The following DIP2B variants were observed in gnomAD, a reference collection of about 807,000 sequenced individuals.
DIP2B encodes the protein disco-interacting protein 2 homolog B.
DIP2B carries 76 observed loss-of-function variants against 198.0 expected under a neutral mutation model. The observed-to-expected ratio is 0.38, with a 90% CI of 0.32 to 0.46. DIP2B has a LOEUF of 0.46. Among genes scored for constraint, DIP2B ranks in the 20% least tolerant of loss-of-function variants. The probability of loss-of-function intolerance (pLI) is 0.99; values close to 1 mark genes in which losing one functional copy is unlikely to be tolerated. For missense variants in DIP2B, 1,559 were observed against 1,978.4 expected (o/e 0.79, Z 4.02); for synonymous variants, 701 against 739.1 (o/e 0.95, Z 0.84).
At chr12:50,695,742 G>A (rs1939299282) in intron 15 of DIP2B, 106 bp from the exon 16 acceptor site, 1 of 1,479,160 alleles carries the variant, frequency 6.8e-7, no homozygotes, top group Admixed American at 2.0e-5. Context: ...TCTTCTCCAA[G>A]CAAATATCAT....
chr12:50,640,694 G>A (rs1298649149), intron 2 of DIP2B, 30 bp from the exon 3 acceptor site: 2 of 1,609,690 alleles, frequency 1.2e-6, no homozygotes, highest in African/African-American at 1.3e-5. Flanking sequence ...ACTGTTACTG[G>A]ATAACCATCT....
At position 50,745,079 on chromosome 12, in the gene DIP2B, C is replaced by A; in HGVS notation, c.*240C>A. 1.9e-6 allele frequency: 1 copy of A among 522,652 alleles called. No individual in the cohort carries two copies. The highest frequency in any genetic ancestry group is 3.4e-6 in the Non-Finnish European group (1 of 295,304). 32.4% of individuals were successfully genotyped at this position (522,652 alleles called of 1,614,324 possible). A position where few individuals can be genotyped will look rare whatever the true frequency, so the allele number is the denominator to read the frequency against. On this transcript the variant is annotated 3_prime_UTR_variant, in exon 38 of 38. Transcript: ENST00000301180. Reference sequence around the variant, plus strand: ...TTGACATAGCGTGAGCAGCACATTACTAAAGCAATTACATGCATGTTGCAT... The same window carrying A: ...TTGACATAGCGTGAGCAGCACATTAATAAAGCAATTACATGCATGTTGCAT...
intron 1 of DIP2B, among the ~76,000 whole-genome samples, chr12:50,625,089 G>A (rs949690404): frequency 3.9e-5 from 6 of 152,142 alleles, no homozygotes; most frequent in South Asian, 2.1e-4. Flanking sequence ...AGGCTTCACA[G>A]TAAATAAAGT....
intron 1 of DIP2B, among the ~76,000 whole-genome samples, chr12:50,539,690 G>GT (rs1203919492): frequency 1.3e-5 from 2 of 151,228 alleles, no homozygotes; most frequent in African/African-American, 2.4e-5. Context: ...CCATGATCTA[G>GT]TTTGAGAACT....
At chr12:50,604,072 G>T (rs142691938) in intron 1 of DIP2B, among the ~76,000 whole-genome samples, 1 of 151,230 alleles carries the variant, frequency 6.6e-6, no homozygotes, top group Admixed American at 6.7e-5. Context: ...TGGATTGTAC[G>T]CTCCTAGATA....
intron 1 of DIP2B, among the ~76,000 whole-genome samples, chr12:50,619,961 T>A (rs1937776639): frequency 6.6e-6 from 1 of 152,136 alleles, no homozygotes; most frequent in African/African-American, 2.4e-5. Context: ...CTCAGGAGGC[T>A]GAGGCAGGAG....
chr12:50,506,294 C>T (rs1410705551), intron 1 of DIP2B, among the ~76,000 whole-genome samples: 2 of 152,136 alleles, frequency 1.3e-5, no homozygotes, highest in African/African-American at 4.8e-5. Flanking sequence ...GCCCTCTTCA[C>T]TAGCATTTTT....
At chr12:50,621,200 C>G (rs945573444) in intron 1 of DIP2B, among the ~76,000 whole-genome samples, 11 of 152,222 alleles carry the variant, frequency 7.2e-5, no homozygotes, top group African/African-American at 2.7e-4. Flanking sequence ...ATAACAGATT[C>G]TCACTGATTT....
In DIP2B at chr12:50,748,317, A is replaced by G. The variant is rs1422951107; in HGVS notation, c.*3478A>G. ...AAAAGCAAGAGTATTTGGAGCAAGA[A>G]GCTGCAATGCGCCAAATACACAATA... On this transcript the variant is annotated 3_prime_UTR_variant, in exon 38 of 38. Transcript: ENST00000301180. 2 of 152,662 alleles carry G rather than the reference A, an allele frequency of 1.3e-5. No homozygotes were observed. The highest frequency in any genetic ancestry group is 4.8e-5 in the African/African-American group (2 of 41,458). The allele number at this position is 152,662 out of a possible 1,614,324, so 9.5% of individuals were successfully genotyped here.
At position 50,735,076 on chromosome 12, in the gene DIP2B, T is replaced by G; in HGVS notation, c.4047T>G (p.Val1349=). 6.2e-7 allele frequency: 1 copy of G among 1,614,166 alleles called. No homozygotes were observed. The highest frequency in any genetic ancestry group is 8.5e-7 in the Non-Finnish European group (1 of 1,180,022). ...VDLKSLRHDR[V]RLVERGAPQS... is the part of the protein sequence containing the mutation. ...AGTAAATACCGTTCTTCTGCAGGGT[T>G]CGTCTCGTGGAACGTGGCGCCCCTC... The change falls in exon 34 of 38, where the codon GTT becomes GTG. Residue 1349 remains valine (V), a synonymous_variant. Transcript: ENST00000301180.
intron 1 of DIP2B, among the ~76,000 whole-genome samples, chr12:50,577,832 A>G (rs1435109550): frequency 6.6e-6 from 1 of 152,106 alleles, no homozygotes; most frequent in Admixed American, 6.5e-5. Context: ...GCAGCTATGT[A>G]GTTGGAAGAG....
At chr12:50,708,119 C>G (rs1408131071) in intron 21 of DIP2B, among the ~76,000 whole-genome samples, 2 of 151,968 alleles carry the variant, frequency 1.3e-5, no homozygotes, top group Admixed American at 6.5e-5. Context: ...ATACGCCACC[C>G]TACACACCAC....
intron 1 of DIP2B, among the ~76,000 whole-genome samples, chr12:50,614,493 TTCTC>T (rs1178558801): frequency 2.0e-5 from 3 of 152,220 alleles, no homozygotes; most frequent in East Asian, 3.8e-4. Context: ...ATTCTAGAGT[TTCTC>T]TCTCCTGTTG....
Position 50,695,367 on chromosome 12 carries a change from ACCTGCAAC to A in DIP2B, c.1813+8_1813+15del. On this transcript the variant is annotated splice_region_variant and intron_variant, in intron 15 of 37. Coordinates refer to ENST00000301180, the MANE Select transcript of DIP2B (RefSeq NM_173602.3). ...AGAGTACATGCTCACAAAGGTAGTCACCTGCAACATCTGAGCTTTAATTATGTGACTGT... is the reference window on the plus strand; with the variant it reads ...AGAGTACATGCTCACAAAGGTAGTCAATCTGAGCTTTAATTATGTGACTGT... 1 of 1,605,436 alleles carries A rather than the reference ACCTGCAAC, an allele frequency of 6.2e-7. No individual in the cohort carries two copies. Among genetic ancestry groups the A allele is most frequent in the South Asian group, 1.1e-5 (1 of 89,978 alleles).
chr12:50,690,156 G>A (rs996214526), intron 12 of DIP2B, among the ~76,000 whole-genome samples: 10 of 149,380 alleles, frequency 6.7e-5, no homozygotes, highest in African/African-American at 9.9e-5. Flanking sequence ...GTGTGATCTC[G>A]GCTCACTGCA....
intron 1 of DIP2B, among the ~76,000 whole-genome samples, chr12:50,522,648 C>T (rs935661218): frequency 6.6e-6 from 1 of 152,134 alleles, no homozygotes; most frequent in Non-Finnish European, 1.5e-5. Flanking sequence ...TTCTTTTCAG[C>T]CTCTTTATAA....
chr12:50,523,957 C>T (rs1258134061), intron 1 of DIP2B, among the ~76,000 whole-genome samples: 1 of 152,136 alleles, frequency 6.6e-6, no homozygotes, highest in Admixed American at 6.6e-5. Context: ...AATGTCTTTC[C>T]AGTGCCCTCT....
At chr12:50,667,584 A>G (rs1188106352) in intron 4 of DIP2B, among the ~76,000 whole-genome samples, 2 of 152,168 alleles carry the variant, frequency 1.3e-5, no homozygotes, top group East Asian at 1.9e-4. Flanking sequence ...ATCGTCTTTT[A>G]ACTTTACCCG....
At chr12:50,730,695 A>G (rs542242796) in intron 30 of DIP2B, among the ~76,000 whole-genome samples, 6 of 152,170 alleles carry the variant, frequency 3.9e-5, no homozygotes, top group Non-Finnish European at 7.4e-5. Flanking sequence ...CCACTTGAAT[A>G]CTATTAATAT....
Sources: gnomAD v4.1 joint callset for allele counts (sites outside exome capture counted in the v4.1 genomes callset) on GRCh38, gnomAD v4.1.1 for gene constraint, MANE v1.5 for transcripts, NCBI Gene and HGNC (gene_info 2026-07-23, HGNC 2026-07-21) for gene names.